MAP4K4: variants seen among roughly 807,000 people sequenced by gnomAD.
MAP4K4 encodes the protein HPK/GCK-like kinase HGK.
MAP4K4 carries 38 observed loss-of-function variants against 189.6 expected under a neutral mutation model. That is an observed-to-expected ratio of 0.20 (90% CI 0.15 to 0.26). The LOEUF is 0.26. Among genes scored for constraint, MAP4K4 ranks in the 10% least tolerant of loss-of-function variants. MAP4K4 has a pLI of 1.00. For synonymous variants in MAP4K4, 610 were observed against 624.3 expected, an observed-to-expected ratio of 0.98 and a Z score of 0.34; for missense variants, 1,054 against 1,726.9, an observed-to-expected ratio of 0.61 and a Z score of 6.91.
intron 29 of MAP4K4, among the ~76,000 whole-genome samples, chr2:101,886,696 C>T (rs1016633696): frequency 1.3e-5 from 2 of 152,132 alleles, no homozygotes; most frequent in African/African-American, 4.8e-5. Context: ...CAGTGTGGCT[C>T]AGTAATTGCA....
chr2:101,722,212 T>G (rs1286466933), intron 2 of MAP4K4, among the ~76,000 whole-genome samples: 1 of 152,200 alleles, frequency 6.6e-6, no homozygotes, highest in East Asian at 1.9e-4. Flanking sequence ...AGAAAAAGAT[T>G]GATGCCTTTG....
At chr2:101,804,549 G>A (rs2094715083) in intron 3 of MAP4K4, among the ~76,000 whole-genome samples, 1 of 151,984 alleles carries the variant, frequency 6.6e-6, no homozygotes, top group South Asian at 2.1e-4. Flanking sequence ...CATGTCCAGG[G>A]GTCTTTTCTC....
intron 2 of MAP4K4, among the ~76,000 whole-genome samples, chr2:101,754,748 T>C (rs1415763810): frequency 6.6e-6 from 1 of 152,250 alleles, no homozygotes; most frequent in Non-Finnish European, 1.5e-5. Context: ...GGTGGCTTAC[T>C]GGCTGTCAAT....
At chr2:101,704,233 C>G (rs754148424) in intron 2 of MAP4K4, among the ~76,000 whole-genome samples, 1 of 151,978 alleles carries the variant, frequency 6.6e-6, no homozygotes, top group Admixed American at 6.6e-5. Flanking sequence ...CAGGCTTGTT[C>G]TGAGACATAG....
At chr2:101,723,106 G>T (rs540978852) in intron 2 of MAP4K4, among the ~76,000 whole-genome samples, 1 of 152,126 alleles carries the variant, frequency 6.6e-6, no homozygotes, top group Non-Finnish European at 1.5e-5. Flanking sequence ...TTACAAAACC[G>T]CCAGATCTTG....
At chr2:101,698,336 A>G in intron 1 of MAP4K4, 137 bp from the exon 2 acceptor site, 1 of 817,502 alleles carries the variant, frequency 1.2e-6, no homozygotes, top group Non-Finnish European at 2.0e-6. Flanking sequence ...CCGCCGCGCG[A>G]CCCCCGGGCG....
intron 2 of MAP4K4, among the ~76,000 whole-genome samples, chr2:101,787,874 G>A (rs2091926255): frequency 6.8e-6 from 1 of 147,206 alleles, no homozygotes; most frequent in East Asian, 2.0e-4. Context: ...CACGATCTCA[G>A]CTCACTGCAA....
chr2:101,781,263 C>T (rs1407880382), intron 2 of MAP4K4, among the ~76,000 whole-genome samples: 6 of 152,134 alleles, frequency 3.9e-5, no homozygotes, highest in Non-Finnish European at 5.9e-5. Context: ...TTGGAAGGGG[C>T]GCTATCCTTT....
At chr2:101,851,479 C>G (rs1439037462) in intron 12 of MAP4K4, among the ~76,000 whole-genome samples, 2 of 152,050 alleles carry the variant, frequency 1.3e-5, no homozygotes, top group Admixed American at 1.3e-4. Flanking sequence ...GTGTATGTTT[C>G]AGTTTTTGAT....
chr2:101,729,966 G>A (rs941785846), intron 2 of MAP4K4, among the ~76,000 whole-genome samples: 2 of 152,172 alleles, frequency 1.3e-5, no homozygotes, highest in Non-Finnish European at 2.9e-5. Flanking sequence ...CCAGGAACCT[G>A]TCTTTGTGTC....
At chr2:101,755,669 T>C (rs6543094) in intron 2 of MAP4K4, among the ~76,000 whole-genome samples, 127,649 of 152,124 alleles carry the variant, frequency 0.84, 54,022 homozygotes, top group African/African-American at 0.96. Context: ...TCTCCCTCTG[T>C]TCCTCATCTG....
chr2:101,815,055 A>G (rs897544873), intron 3 of MAP4K4, among the ~76,000 whole-genome samples: 18 of 152,244 alleles, frequency 1.2e-4, no homozygotes, highest in African/African-American at 3.4e-4. Context: ...TTGACAGCCA[A>G]TACTTTGATT....
intron 3 of MAP4K4, among the ~76,000 whole-genome samples, chr2:101,800,318 A>G (rs984826121): frequency 2.6e-5 from 4 of 152,068 alleles, no homozygotes; most frequent in African/African-American, 9.7e-5. Context: ...GGTTGGTCTC[A>G]AAGTCCTGGG....
At chr2:101,785,889 A>G (rs538333831) in intron 2 of MAP4K4, among the ~76,000 whole-genome samples, 2 of 151,454 alleles carry the variant, frequency 1.3e-5, no homozygotes, top group South Asian at 4.2e-4. Flanking sequence ...CAGTGGCACG[A>G]TCTTGGCTCA....
intron 12 of MAP4K4, among the ~76,000 whole-genome samples, chr2:101,849,834 C>A (rs928839578): frequency 2.6e-5 from 4 of 151,778 alleles, no homozygotes; most frequent in Non-Finnish European, 5.9e-5. Context: ...AGTTTGAGAT[C>A]AGCTTGGGAA....
At chr2:101,837,704 A>G (rs1329975438) in intron 9 of MAP4K4, among the ~76,000 whole-genome samples, 2 of 151,922 alleles carry the variant, frequency 1.3e-5, no homozygotes, top group Non-Finnish European at 2.9e-5. Context: ...CCTTTTCTTT[A>G]TCTCTCTCAG....
intron 3 of MAP4K4, among the ~76,000 whole-genome samples, chr2:101,791,082 T>A (rs558902584): frequency 6.6e-6 from 1 of 152,162 alleles, no homozygotes; most frequent in East Asian, 1.9e-4. Flanking sequence ...AAAGAAAAAG[T>A]TTGAAAAGGG....
In MAP4K4 at chr2:101,729,524, A is replaced by G. The variant is rs542070507; in HGVS notation, c.123+30986A>G. ...ATAGTTTGAAAGCTACTGTACTGGG[A>G]GATGCTAGGTTCCTTTTAGCAAAAG... is the stretch of plus-strand genomic sequence containing the variant. On this transcript the variant is annotated intron_variant, in intron 2 of 32. Coordinates refer to ENST00000324219, the Ensembl canonical transcript of MAP4K4. Among the ~76,000 whole-genome samples, 21 of 152,310 alleles carry G rather than the reference A, an allele frequency of 1.4e-4. 1 individual carries two copies. In the South Asian group the frequency reaches 4.1e-3, roughly 30 times the overall value.
intron 2 of MAP4K4, among the ~76,000 whole-genome samples, chr2:101,732,909 C>T (rs1297694999): frequency 6.6e-6 from 1 of 152,214 alleles, no homozygotes; most frequent in Admixed American, 6.5e-5. Context: ...ATTTTAAGTG[C>T]CGGTGGATTT....
Sources: gnomAD v4.1 joint callset for allele counts (sites outside exome capture counted in the v4.1 genomes callset) on GRCh38, gnomAD v4.1.1 for gene constraint, MANE v1.5 for transcripts, NCBI Gene and HGNC (gene_info 2026-07-23, HGNC 2026-07-21) for gene names.